Variants in TTC28 observed in about 807,000 individuals in gnomAD.
TTC28 encodes tetratricopeptide repeat domain 28.
A neutral mutation model predicts 198.0 loss-of-function variants in TTC28; 61 were observed. The ratio of observed to expected loss-of-function variants is 0.31; its 90% CI spans 0.25 to 0.38. The LOEUF (loss-of-function observed/expected upper bound fraction) is 0.38, where lower values mean the gene tolerates loss of function less well. Ranked by LOEUF, TTC28 falls within the 10% of genes least tolerant of loss-of-function variation. The pLI is 1.00. For synonymous variants in TTC28, 1,171 were observed against 1,297.8 expected (o/e 0.90, Z 2.10); for missense variants, 2,678 against 3,164.0 (o/e 0.85, Z 3.69).
chr22:28,150,234 A>T (rs981999025), intron 6 of TTC28, among the ~76,000 whole-genome samples: 2 of 152,214 alleles, frequency 1.3e-5, no homozygotes, highest in Admixed American at 6.5e-5. Context: ...GAAGCAGAAC[A>T]TTACCAGAGC....
chr22:28,507,980 T>C (rs1011278023), intron 2 of TTC28, among the ~76,000 whole-genome samples: 3 of 152,164 alleles, frequency 2.0e-5, no homozygotes, highest in Non-Finnish European at 4.4e-5. Flanking sequence ...CCAGTGACAC[T>C]ATGAAGCAAT....
chr22:28,056,441 C>T (rs183337289), intron 12 of TTC28: 183 of 152,258 alleles, frequency 1.2e-3, no homozygotes, highest in Non-Finnish European at 1.6e-3. Context: ...AATACAGGCC[C>T]ATTATCATTA....
In TTC28 at chr22:28,032,191, ATATATATATATAAAAT is replaced by A. The variant is rs1939129367; in HGVS notation, c.3933-1841_3933-1826del. Among the ~76,000 whole-genome samples the A allele has an allele frequency of 1.1e-4, 7 of 61,892 alleles. 1 individual carries two copies. Among genetic ancestry groups the A allele is most frequent in the African/African-American group, 3.3e-4 (4 of 12,034 alleles). The allele number at this position is 61,892 out of a possible 152,430, so 40.6% of individuals were successfully genotyped here. Reference sequence around the variant, plus strand: ...GTGTATATATATATATATATATAAAATATATATATATAAAATATATATATATAAAATATATATATAT... The same window carrying A: ...GTGTATATATATATATATATATAAAAATATATATATAAAATATATATATAT... On this transcript the variant is annotated intron_variant, in intron 12 of 22. Coordinates refer to ENST00000397906, the MANE Select transcript of TTC28 (RefSeq NM_001145418.2).
intron 12 of TTC28, among the ~76,000 whole-genome samples, chr22:28,047,795 G>T (rs1263144043): frequency 6.6e-6 from 1 of 152,162 alleles, no homozygotes; most frequent in African/African-American, 2.4e-5. Context: ...ATATTCAAGT[G>T]AAGAGGAAGA....
chr22:28,247,567 A>G (rs1930198183), intron 5 of TTC28, among the ~76,000 whole-genome samples: 2 of 152,212 alleles, frequency 1.3e-5, no homozygotes, highest in South Asian at 2.1e-4. Flanking sequence ...AGAGCTACCT[A>G]TAACAGACGA....
intron 2 of TTC28, among the ~76,000 whole-genome samples, chr22:28,593,068 C>T (rs2050462733): frequency 6.6e-6 from 1 of 151,408 alleles, no homozygotes; most frequent in Non-Finnish European, 1.5e-5. Context: ...GGGAAGCAAA[C>T]ATTAATTTCA....
At chr22:28,166,828 A>C (rs1259151750) in intron 5 of TTC28, among the ~76,000 whole-genome samples, 1 of 152,268 alleles carries the variant, frequency 6.6e-6, no homozygotes, top group Non-Finnish European at 1.5e-5. Context: ...AGATCAGAGC[A>C]GAACTGAAGG....
chr22:28,135,335 T>A (rs776408561), intron 6 of TTC28, among the ~76,000 whole-genome samples: 3 of 152,208 alleles, frequency 2.0e-5, no homozygotes, highest in Non-Finnish European at 4.4e-5. Context: ...TATAATAGGA[T>A]TATTTACAAA....
intron 2 of TTC28, among the ~76,000 whole-genome samples, chr22:28,420,101 C>T (rs924928303): frequency 6.6e-6 from 1 of 152,134 alleles, no homozygotes; most frequent in East Asian, 1.9e-4. Flanking sequence ...CTTGTCATCA[C>T]CCCAGATGAC....
chr22:28,207,202 T>A, intron 5 of TTC28, among the ~76,000 whole-genome samples: 1 of 149,486 alleles, frequency 6.7e-6, no homozygotes, highest in East Asian at 2.0e-4. Flanking sequence ...TGCCACTTGA[T>A]TTCAAGGGGG....
intron 6 of TTC28, among the ~76,000 whole-genome samples, chr22:28,158,961 A>G (rs1043359835): frequency 6.6e-6 from 1 of 152,230 alleles, no homozygotes; most frequent in South Asian, 2.1e-4. Flanking sequence ...GATACCATCA[A>G]CAAAGTGAAG....
intron 15 of TTC28, chr22:28,000,082 C>G (rs1937629894): frequency 6.6e-6 from 1 of 152,202 alleles, no homozygotes; most frequent in Non-Finnish European, 1.5e-5. Flanking sequence ...ACCCAGAGTG[C>G]TGCTATCAGC....
intron 2 of TTC28, among the ~76,000 whole-genome samples, chr22:28,624,220 T>C (rs2051042767): frequency 6.6e-6 from 1 of 151,860 alleles, no homozygotes; most frequent in African/African-American, 2.4e-5. Flanking sequence ...CTACTAAAAA[T>C]ACAAAAAATT....
chr22:28,289,752 A>C (rs1314654401), intron 5 of TTC28, among the ~76,000 whole-genome samples: 1 of 152,212 alleles, frequency 6.6e-6, no homozygotes, highest in Non-Finnish European at 1.5e-5. Context: ...TTGTGCAAGC[A>C]CAGTGGCTCA....
chr22:28,112,569 C>G (rs1942515979), intron 6 of TTC28, among the ~76,000 whole-genome samples: 1 of 152,192 alleles, frequency 6.6e-6, no homozygotes, highest in Non-Finnish European at 1.5e-5. Flanking sequence ...CTCCCTGTGT[C>G]TCTACTGTCC....
intron 6 of TTC28, among the ~76,000 whole-genome samples, chr22:28,148,211 T>C (rs1444944993): frequency 6.6e-6 from 1 of 152,232 alleles, no homozygotes; most frequent in Non-Finnish European, 1.5e-5. Context: ...GTCTTCCTAC[T>C]AACTGTAAGG....
intron 2 of TTC28, among the ~76,000 whole-genome samples, chr22:28,626,769 T>C (rs1486227171): frequency 1.3e-5 from 2 of 152,030 alleles, no homozygotes; most frequent in African/African-American, 2.4e-5. Context: ...AAGCCAAATA[T>C]AGAACTAAAA....
intron 2 of TTC28, among the ~76,000 whole-genome samples, chr22:28,601,139 T>A (rs376140214): frequency 1.3e-5 from 2 of 152,228 alleles, no homozygotes; most frequent in East Asian, 3.8e-4. Flanking sequence ...ATTATAAAAC[T>A]AATGATCACA....
At chr22:28,595,493 A>G (rs1203381302) in intron 2 of TTC28, among the ~76,000 whole-genome samples, 1 of 152,132 alleles carries the variant, frequency 6.6e-6, no homozygotes, top group African/African-American at 2.4e-5. Flanking sequence ...TAACACTTTT[A>G]TATTATAGTT....
Sources: allele counts gnomAD v4.1 joint callset (sites outside exome capture counted in the v4.1 genomes callset), GRCh38; gene constraint gnomAD v4.1.1; transcripts MANE v1.5; gene names NCBI Gene and HGNC (gene_info 2026-07-23, HGNC 2026-07-21).